The following MDGA2 variants were observed in gnomAD, a reference collection of about 807,000 sequenced individuals.
MDGA2 encodes the protein MAM domain containing glycosylphosphatidylinositol anchor 2.
Under a neutral mutation model 117.8 loss-of-function variants are expected in MDGA2, and 40 were observed. The ratio of observed to expected loss-of-function variants is 0.34; its 90% confidence interval spans 0.26 to 0.44. The LOEUF (loss-of-function observed/expected upper bound fraction) is 0.44. Among genes scored for constraint, MDGA2 ranks in the 20% least tolerant of loss-of-function variants. MDGA2 has a pLI of 1.00. For synonymous variants in MDGA2, 452 were observed against 439.0 expected (o/e 1.03, Z -0.37); for missense variants, 1,123 against 1,250.6 (o/e 0.90, Z 1.54).
intron 10 of MDGA2, among the ~76,000 whole-genome samples, chr14:46,893,099 T>C (rs1215325666): frequency 6.6e-6 from 1 of 151,880 alleles, no homozygotes; most frequent in Non-Finnish European, 1.5e-5. Flanking sequence ...GGAAACAACC[T>C]AAATGTCCAT....
intron 1 of MDGA2, among the ~76,000 whole-genome samples, chr14:47,549,381 GT>G (rs1021687285): frequency 2.9e-5 from 2 of 69,194 alleles, no homozygotes; most frequent in South Asian, 3.7e-4. Flanking sequence ...CTGAAGAACA[GT>G]TTTTTTTGGA....
At chr14:47,143,223 A>G (rs1348291377) in intron 4 of MDGA2, among the ~76,000 whole-genome samples, 1 of 152,182 alleles carries the variant, frequency 6.6e-6, no homozygotes, top group Non-Finnish European at 1.5e-5. Flanking sequence ...ACCTCATCTC[A>G]GCCTCAGCCT....
At chr14:46,940,432 C>T (rs1031118564) in intron 9 of MDGA2, among the ~76,000 whole-genome samples, 2 of 151,898 alleles carry the variant, frequency 1.3e-5, no homozygotes, top group Non-Finnish European at 2.9e-5. Context: ...GATTCAAGAC[C>T]AGCCTGGCCA....
At chr14:47,353,463 G>A (rs1302498642) in intron 1 of MDGA2, among the ~76,000 whole-genome samples, 1 of 152,086 alleles carries the variant, frequency 6.6e-6, no homozygotes, top group Non-Finnish European at 1.5e-5. Context: ...GCTACATTGT[G>A]TTCTCTCAAA....
chr14:46,868,353 T>C (rs1334637302), intron 14 of MDGA2, among the ~76,000 whole-genome samples: 5 of 151,972 alleles, frequency 3.3e-5, no homozygotes, highest in Admixed American at 6.6e-5. Context: ...GGGGGAGTAC[T>C]TGAATATTTA....
At position 46,957,361 on chromosome 14, in the gene MDGA2, T is replaced by G. The variant is rs1310877322; in HGVS notation, c.2089+13A>C. ...AAACAAAATGTATAAAAAGAAAATA[T>G]CTGGAATCCTACCTGTAACAAGAAA... is the stretch of plus-strand genomic sequence containing the variant. On this transcript the variant is annotated intron_variant, in intron 9 of 16. Transcript: ENST00000399232. The G allele has an allele frequency of 6.2e-7, 1 of 1,607,582 alleles. No individual in the cohort carries two copies. The highest frequency in any genetic ancestry group is 1.1e-5 in the South Asian group (1 of 90,292).
rs771578919 is a variant in MDGA2, at chr14:47,239,482, G to A, written c.421-21287C>T. Among the ~76,000 whole-genome samples, 13 of 151,808 alleles carry A rather than the reference G, an allele frequency of 8.6e-5. 1 individual carries two copies. Among genetic ancestry groups the A allele is most frequent in the Non-Finnish European group, 1.3e-4 (9 of 67,814 alleles). On this transcript the variant is annotated intron_variant, in intron 2 of 16. Transcript: ENST00000399232. The stretch of plus-strand genomic sequence containing the variant: ...TTGCATTGCAAAAGGCAAGTAATAT[G>A]CTTTGATCAATTTGATGTGAAACAT...
intron 1 of MDGA2, among the ~76,000 whole-genome samples, chr14:47,559,170 T>C (rs538001690): frequency 2.6e-5 from 4 of 152,250 alleles, no homozygotes; most frequent in East Asian, 3.9e-4. Context: ...GTTTGGTGTA[T>C]AGATTATTTT....
intron 1 of MDGA2, among the ~76,000 whole-genome samples, chr14:47,392,058 T>G (rs867812734): frequency 1.3e-5 from 2 of 152,304 alleles, no homozygotes; most frequent in Middle Eastern, 3.4e-3. Flanking sequence ...CCCTTTTATC[T>G]TATCAAATTT....
At chr14:47,440,368 A>G (rs1892982472) in intron 1 of MDGA2, among the ~76,000 whole-genome samples, 1 of 152,084 alleles carries the variant, frequency 6.6e-6, no homozygotes, top group African/African-American at 2.4e-5. Context: ...TGTTTATCTC[A>G]CATCCTTACT....
downstream of MDGA2, among the ~76,000 whole-genome samples, chr14:46,839,879 G>A (rs1309088038): frequency 6.6e-6 from 1 of 151,804 alleles, no homozygotes; most frequent in East Asian, 1.9e-4. Context: ...GTTCATATAT[G>A]TTTCATATTT....
intron 2 of MDGA2, among the ~76,000 whole-genome samples, chr14:47,235,071 G>A (rs1182881781): frequency 6.6e-6 from 1 of 152,076 alleles, no homozygotes; most frequent in Admixed American, 6.6e-5. Context: ...AGCATCTCAA[G>A]CATCACTTAC....
At chr14:47,512,060 T>C (rs912213928) in intron 1 of MDGA2, among the ~76,000 whole-genome samples, 2 of 152,134 alleles carry the variant, frequency 1.3e-5, no homozygotes, top group African/African-American at 4.8e-5. Context: ...TTGTCAAGGA[T>C]CACAGAGCTG....
intron 8 of MDGA2, among the ~76,000 whole-genome samples, chr14:47,021,065 C>A (rs1231096542): frequency 1.3e-5 from 2 of 151,972 alleles, no homozygotes; most frequent in Non-Finnish European, 2.9e-5. Context: ...AGAATATCTA[C>A]AAAGAAACAG....
intron 1 of MDGA2, among the ~76,000 whole-genome samples, chr14:47,549,071 A>T (rs1017963376): frequency 2.0e-5 from 3 of 152,152 alleles, no homozygotes; most frequent in African/African-American, 7.2e-5. Context: ...GTGACAAATC[A>T]GTGAGGATGG....
chr14:46,865,072 T>G (rs890829881), intron 14 of MDGA2, among the ~76,000 whole-genome samples: 4 of 152,116 alleles, frequency 2.6e-5, no homozygotes, highest in African/African-American at 9.6e-5. Context: ...ATATTTGATA[T>G]GTAAGCAAGA....
At chr14:47,096,832 A>G in intron 6 of MDGA2, 22 bp downstream of exon 6, 1 of 1,609,672 alleles carries the variant, frequency 6.2e-7, no homozygotes, top group Non-Finnish European at 8.5e-7. Context: ...TCTACGTTGT[A>G]ACATTCTTTC....
At chr14:47,506,346 A>G (rs1894511691) in intron 1 of MDGA2, among the ~76,000 whole-genome samples, 1 of 152,200 alleles carries the variant, frequency 6.6e-6, no homozygotes, top group African/African-American at 2.4e-5. Flanking sequence ...CCCATTTAGA[A>G]GCTTTATTTC....
chr14:47,257,077 G>C (rs1236163281), intron 2 of MDGA2, among the ~76,000 whole-genome samples: 3 of 152,164 alleles, frequency 2.0e-5, no homozygotes, highest in Non-Finnish European at 4.4e-5. Context: ...AGTTAGCTTA[G>C]TTGTGAGTAA....
Sources: allele counts gnomAD v4.1 joint callset (sites outside exome capture counted in the v4.1 genomes callset), GRCh38; gene constraint gnomAD v4.1.1; transcripts MANE v1.5; gene names NCBI Gene and HGNC (gene_info 2026-07-23, HGNC 2026-07-21).